QTMAN: variants seen among roughly 807,000 people sequenced by gnomAD.
The protein encoded by QTMAN is tRNA-queuosine alpha-mannosyltransferase.
At chr2:144,015,286 T>A in the QTMAN span, among the ~76,000 whole-genome samples, 1 of 152,154 alleles carries the variant, frequency 6.6e-6, no homozygotes, top group Non-Finnish European at 1.5e-5. Flanking sequence ...TTACACAAGG[T>A]TTACTCTAGT....
the QTMAN span, among the ~76,000 whole-genome samples, chr2:144,113,732 G>C: frequency 6.6e-6 from 1 of 152,212 alleles, no homozygotes; most frequent in Non-Finnish European, 1.5e-5. Context: ...TAACTGCAGA[G>C]AGGAAAACAG....
At chr2:144,245,731 A>G in the QTMAN span, among the ~76,000 whole-genome samples, 1 of 152,236 alleles carries the variant, frequency 6.6e-6, no homozygotes, top group Non-Finnish European at 1.5e-5. Flanking sequence ...AAATTGTTTC[A>G]GACTATTCTG....
the QTMAN span, among the ~76,000 whole-genome samples, chr2:144,202,165 G>T: frequency 6.6e-6 from 1 of 152,150 alleles, no homozygotes; most frequent in South Asian, 2.1e-4. Context: ...GCCCCAAAGA[G>T]GGTAGTTGGC....
At chr2:144,124,930 A>G in the QTMAN span, among the ~76,000 whole-genome samples, 3 of 152,158 alleles carry the variant, frequency 2.0e-5, no homozygotes, top group African/African-American at 7.2e-5. Flanking sequence ...TTTTCTTAGG[A>G]AAACTTACAT....
the QTMAN span, among the ~76,000 whole-genome samples, chr2:144,055,656 G>A: frequency 6.6e-6 from 1 of 152,112 alleles, no homozygotes; most frequent in Non-Finnish European, 1.5e-5. Flanking sequence ...TTAGCTAGAG[G>A]GGGCAGGAGT....
the QTMAN span, among the ~76,000 whole-genome samples, chr2:143,980,420 T>C: frequency 2.3e-4 from 35 of 152,220 alleles, no homozygotes; most frequent in Non-Finnish European, 4.0e-4. Flanking sequence ...ACATTGTAAG[T>C]TCCTCGAGGG....
the QTMAN span, among the ~76,000 whole-genome samples, chr2:144,321,094 A>G: frequency 6.6e-6 from 1 of 152,190 alleles, no homozygotes; most frequent in Non-Finnish European, 1.5e-5. Context: ...AAAAGAGAAT[A>G]TATCACCCCC....
the QTMAN span, among the ~76,000 whole-genome samples, chr2:144,151,187 T>G: frequency 6.6e-6 from 1 of 152,142 alleles, no homozygotes; most frequent in Non-Finnish European, 1.5e-5. Flanking sequence ...CAGAAATACA[T>G]TATTGCATAC....
the QTMAN span, among the ~76,000 whole-genome samples, chr2:144,073,213 G>C: frequency 6.7e-6 from 1 of 150,344 alleles, no homozygotes; most frequent in South Asian, 2.1e-4. Flanking sequence ...TGTGAACTAA[G>C]ACCTTTAAGG....
the QTMAN span, among the ~76,000 whole-genome samples, chr2:144,262,599 A>G: frequency 2.0e-4 from 17 of 83,646 alleles, no homozygotes; most frequent in East Asian, 3.7e-4. Context: ...AAGGGGAGAG[A>G]GGAGGGGAGG....
the QTMAN span, among the ~76,000 whole-genome samples, chr2:144,265,628 G>A: frequency 1.1e-4 from 17 of 151,308 alleles, no homozygotes; most frequent in African/African-American, 3.4e-4. Context: ...CCCGGGAGGC[G>A]GAGGTTGCAG....
chr2:144,086,101 T>C, the QTMAN span, among the ~76,000 whole-genome samples: 26 of 152,296 alleles, frequency 1.7e-4, no homozygotes, highest in Admixed American at 6.5e-4. Flanking sequence ...TCAACAGGCA[T>C]GCAAGTTTAT....
the QTMAN span, among the ~76,000 whole-genome samples, chr2:144,061,636 C>A: frequency 6.6e-6 from 1 of 152,138 alleles, no homozygotes; most frequent in Admixed American, 6.5e-5. Context: ...GAAGTAGGTA[C>A]TATTAATGCT....
At chr2:144,268,596 C>G in the QTMAN span, among the ~76,000 whole-genome samples, 2 of 152,174 alleles carry the variant, frequency 1.3e-5, no homozygotes, top group African/African-American at 4.8e-5. Context: ...GTCTCCAGAA[C>G]TGTAAGAAAT....
chr2:144,324,760 C>G, the QTMAN span, among the ~76,000 whole-genome samples: 4 of 151,852 alleles, frequency 2.6e-5, no homozygotes, highest in East Asian at 7.7e-4. Context: ...AATAAAGAGC[C>G]ATGTTTTCAG....
the QTMAN span, among the ~76,000 whole-genome samples, chr2:144,151,724 C>T: frequency 6.6e-6 from 1 of 152,170 alleles, no homozygotes; most frequent in East Asian, 1.9e-4. Flanking sequence ...GAAAATTACT[C>T]CCAAGCATTT....
At chr2:144,223,872 A>G in the QTMAN span, among the ~76,000 whole-genome samples, 13 of 152,184 alleles carry the variant, frequency 8.5e-5, no homozygotes, top group Non-Finnish European at 1.9e-4. Context: ...TCAAAAATCA[A>G]TTCAGTTATA....
chr2:143,956,685 C>T, the QTMAN span, among the ~76,000 whole-genome samples: 5 of 152,052 alleles, frequency 3.3e-5, no homozygotes, highest in Admixed American at 3.3e-4. Flanking sequence ...TTATCTGGGG[C>T]CTTGCTATTC....
chr2:144,054,496 A>AC, the QTMAN span, among the ~76,000 whole-genome samples: 3 of 152,182 alleles, frequency 2.0e-5, no homozygotes, highest in Admixed American at 6.5e-5. Flanking sequence ...GAGTAGCAGA[A>AC]CCCCTAAAGA....
Sources: gnomAD v4.1 joint callset for allele counts (sites outside exome capture counted in the v4.1 genomes callset) on GRCh38, gnomAD v4.1.1 for gene constraint, MANE v1.5 for transcripts, NCBI Gene and HGNC (gene_info 2026-07-23, HGNC 2026-07-21) for gene names.